GALNT13: variants seen among roughly 807,000 people sequenced by gnomAD.
GALNT13 encodes UDP-GalNAc:polypeptide N-acetylgalactosaminyltransferase 13.
In GALNT13, 28 loss-of-function variants were observed where a neutral mutation model predicts 64.2. That is an observed-to-expected ratio of 0.44 (90% CI 0.32 to 0.60). The LOEUF is 0.60. Ranked by LOEUF, GALNT13 falls within the 20% of genes least tolerant of loss-of-function variation. GALNT13 has a pLI of 0.05. For missense variants in GALNT13, 577 were observed against 669.8 expected (o/e 0.86, Z 1.53); for synonymous variants, 214 against 224.6 (o/e 0.95, Z 0.42).
At chr2:154,372,700 A>C (rs772036659) in intron 9 of GALNT13, among the ~76,000 whole-genome samples, 11 of 152,116 alleles carry the variant, frequency 7.2e-5, no homozygotes, top group Admixed American at 2.0e-4. Context: ...ATACAAAATA[A>C]ATATCAAAGG....
At chr2:153,292,744 T>C in the GALNT13 span, among the ~76,000 whole-genome samples, 1 of 152,016 alleles carries the variant, frequency 6.6e-6, no homozygotes, top group Non-Finnish European at 1.5e-5. Context: ...TCATAACAAG[T>C]CAGGGAGAAT....
At chr2:153,131,528 G>A in the GALNT13 span, among the ~76,000 whole-genome samples, 1 of 151,994 alleles carries the variant, frequency 6.6e-6, no homozygotes, top group East Asian at 2.0e-4. Flanking sequence ...GATGAGGCTA[G>A]TGTTCCTGCA....
intron 1 of GALNT13, among the ~76,000 whole-genome samples, chr2:153,872,615 GT>G (rs762919630): frequency 0.29 from 16,188 of 55,430 alleles, 2,838 homozygotes; most frequent in Non-Finnish European, 0.42. Flanking sequence ...TGAGTTGTTG[GT>G]GGCGGGGGGG....
At chr2:153,399,356 G>A in the GALNT13 span, among the ~76,000 whole-genome samples, 1 of 152,176 alleles carries the variant, frequency 6.6e-6, no homozygotes, top group Non-Finnish European at 1.5e-5. Context: ...GTCAGGTAGT[G>A]TGATACCTCC....
the GALNT13 span, among the ~76,000 whole-genome samples, chr2:153,240,259 A>T: frequency 6.6e-6 from 1 of 151,716 alleles, no homozygotes; most frequent in Non-Finnish European, 1.5e-5. Flanking sequence ...TATTTTTTTT[A>T]AATCAACTTT....
chr2:153,456,402 G>GA, the GALNT13 span, among the ~76,000 whole-genome samples: 3 of 152,082 alleles, frequency 2.0e-5, no homozygotes, highest in African/African-American at 7.2e-5. Flanking sequence ...ATCCTCCAAA[G>GA]AAAAAACATG....
chr2:154,289,607 A>G (rs1286434714), intron 8 of GALNT13, among the ~76,000 whole-genome samples: 3 of 152,134 alleles, frequency 2.0e-5, no homozygotes, highest in Non-Finnish European at 4.4e-5. Context: ...ATTACCTCCC[A>G]CTGGGTTCCT....
the GALNT13 span, among the ~76,000 whole-genome samples, chr2:153,151,796 C>CATAG: frequency 1.4e-5 from 2 of 139,792 alleles, no homozygotes; most frequent in Non-Finnish European, 3.0e-5. Context: ...CACATAGACA[C>CATAG]AGGAAGGGGA....
the GALNT13 span, among the ~76,000 whole-genome samples, chr2:153,599,642 A>G: frequency 6.6e-6 from 1 of 151,930 alleles, no homozygotes; most frequent in Non-Finnish European, 1.5e-5. Flanking sequence ...TCATTACTAC[A>G]TTTTGAGACG....
At chr2:153,774,902 C>A in the GALNT13 span, among the ~76,000 whole-genome samples, 2 of 152,098 alleles carry the variant, frequency 1.3e-5, no homozygotes, top group Non-Finnish European at 2.9e-5. Flanking sequence ...AGAATGAGAT[C>A]CTGTCTCTAC....
intron 3 of GALNT13, among the ~76,000 whole-genome samples, chr2:154,000,339 C>G (rs1051334740): frequency 3.3e-5 from 5 of 151,784 alleles, no homozygotes; most frequent in Admixed American, 1.3e-4. Flanking sequence ...TATTTCTTCC[C>G]TTCTACTAAT....
intron 3 of GALNT13, among the ~76,000 whole-genome samples, chr2:154,034,224 C>G (rs1698519576): frequency 6.6e-6 from 1 of 152,100 alleles, no homozygotes; most frequent in Non-Finnish European, 1.5e-5. Context: ...AATTAACATG[C>G]ATTCAACCAG....
intron 4 of GALNT13, among the ~76,000 whole-genome samples, chr2:154,149,743 T>A (rs1046344710): frequency 2.0e-5 from 3 of 152,194 alleles, no homozygotes; most frequent in African/African-American, 7.2e-5. Flanking sequence ...GTTATTGGTG[T>A]ATAAGAATGC....
the GALNT13 span, among the ~76,000 whole-genome samples, chr2:153,535,403 T>C: frequency 6.6e-6 from 1 of 152,116 alleles, no homozygotes; most frequent in Non-Finnish European, 1.5e-5. Context: ...CCAGGAGATA[T>C]CAGCTGTGAT....
intron 9 of GALNT13, among the ~76,000 whole-genome samples, chr2:154,376,161 C>A (rs867587666): frequency 6.6e-6 from 1 of 152,166 alleles, no homozygotes; most frequent in African/African-American, 2.4e-5. Context: ...ATAGCTTTAA[C>A]TGGAATATGA....
chr2:153,665,020 G>A, the GALNT13 span, among the ~76,000 whole-genome samples: 4 of 152,206 alleles, frequency 2.6e-5, no homozygotes, highest in African/African-American at 9.6e-5. Flanking sequence ...GAGTATGGCA[G>A]TCAAACTCAC....
chr2:154,293,845 AT>A (rs998981180), intron 8 of GALNT13, among the ~76,000 whole-genome samples: 3 of 152,086 alleles, frequency 2.0e-5, no homozygotes, highest in African/African-American at 2.4e-5. Context: ...TTTAACATTT[AT>A]TTTTTTCACA....
chr2:153,792,298 T>C, the GALNT13 span, among the ~76,000 whole-genome samples: 2 of 152,156 alleles, frequency 1.3e-5, no homozygotes, highest in Non-Finnish European at 2.9e-5. Flanking sequence ...GTACAGACTT[T>C]TTTTTCTTGT....
chr2:153,445,098 A>T, the GALNT13 span, among the ~76,000 whole-genome samples: 47 of 152,328 alleles, frequency 3.1e-4, no homozygotes, highest in East Asian at 8.9e-3. Context: ...GTAACACATA[A>T]GTACTGATTT....
Sources: allele counts gnomAD v4.1 joint callset (sites outside exome capture counted in the v4.1 genomes callset), GRCh38; gene constraint gnomAD v4.1.1; transcripts MANE v1.5; gene names NCBI Gene and HGNC (gene_info 2026-07-23, HGNC 2026-07-21).